The following WDR5 variants were observed in gnomAD, a reference collection of about 807,000 sequenced individuals.
The protein encoded by WDR5 is WD repeat-containing protein 5.
For missense variants in WDR5, 187 were observed against 416.9 expected, an observed-to-expected ratio of 0.45 and a Z score of 4.80; for synonymous variants, 144 against 161.6, an observed-to-expected ratio of 0.89 and a Z score of 0.83.
chr9:134,156,640 G>T lies in WDR5; in HGVS notation c.904+47G>T, dbSNP rs1194539171. 6 of 1,594,784 alleles carry T rather than the reference G, an allele frequency of 3.8e-6. No homozygotes were observed. In the Admixed American group the frequency reaches 6.7e-5, roughly 18 times the overall value. ...GTCACTGGCTGCCTGTTGATGTGAGGACAGTTCCTGCAGGTGAAGCGTGGT... is the reference window on the plus strand; with the variant it reads ...GTCACTGGCTGCCTGTTGATGTGAGTACAGTTCCTGCAGGTGAAGCGTGGT... On this transcript the variant is annotated intron_variant, in intron 13 of 13. Coordinates refer to ENST00000358625, the MANE Select transcript of WDR5 (RefSeq NM_017588.3).
rs564910984 is a variant in WDR5 at position 134,143,719 on chromosome 9, G to A, written c.528+1000G>A. Among the ~76,000 whole-genome samples, 23 of 151,986 alleles carry A rather than the reference G, an allele frequency of 1.5e-4. 1 individual carries two copies. Among genetic ancestry groups the A allele is most frequent in the African/African-American group, 5.3e-4 (22 of 41,510 alleles). ...ATTTTTTGTATTTTTAGTAGAGACG[G>A]GGTTTCACCGTGGTTTCGATCTCCT... On this transcript the variant is annotated intron_variant, in intron 7 of 13. Transcript: ENST00000358625.
At chr9:134,152,568 T>C (rs779700047) in intron 9 of WDR5, among the ~76,000 whole-genome samples, 11 of 152,186 alleles carry the variant, frequency 7.2e-5, no homozygotes, top group Non-Finnish European at 1.5e-4. Flanking sequence ...AGCTGCCCCT[T>C]GCAGAGCCTG....
At chr9:134,142,273 C>T in intron 5 of WDR5, 60 bp from the exon 6 acceptor site, 1 of 1,543,462 alleles carries the variant, frequency 6.5e-7, no homozygotes, top group South Asian at 1.1e-5. Flanking sequence ...ATGAATGTGA[C>T]CTGACTCTTA....
rs11556390 is a variant in WDR5 at position 134,139,901 on chromosome 9, C to T, written c.24C>T (p.Pro8=). MATEEKK[P]ETEAARAQPT... is the part of the protein sequence containing the mutation. ...CCATGGCGACGGAGGAGAAGAAGCC[C>T]GAGACCGAGGCCGCCAGAGCACAGC... Residue 8 remains proline, a synonymous_variant, in exon 2 of 14, where the codon CCC becomes CCT. Transcript: ENST00000358625. The T allele has an allele frequency of 0.43, 701,293 of 1,613,080 alleles. 156,848 individuals carry two copies. Among genetic ancestry groups the T allele is most frequent in the Admixed American group, 0.48 (28,531 of 60,000 alleles).
chr9:134,150,491 A>G (rs953149601), intron 8 of WDR5, among the ~76,000 whole-genome samples: 5 of 152,214 alleles, frequency 3.3e-5, no homozygotes, highest in Admixed American at 1.3e-4. Context: ...TCTTTCTATG[A>G]AAATCAGAAG....
At chr9:134,143,968 C>G (rs28705949) in intron 7 of WDR5, among the ~76,000 whole-genome samples, 1 of 152,174 alleles carries the variant, frequency 6.6e-6, no homozygotes, top group Admixed American at 6.5e-5. Context: ...TCCTGCCCTT[C>G]GTTGAGAAGC....
At chr9:134,153,128 C>T (rs369798703) in intron 9 of WDR5, among the ~76,000 whole-genome samples, 3 of 152,278 alleles carry the variant, frequency 2.0e-5, no homozygotes, top group Non-Finnish European at 2.9e-5. Context: ...GAGATCACAC[C>T]GCACTTGGTG....
chr9:134,140,045 C>G, intron 2 of WDR5, 87 bp downstream of exon 2: 2 of 1,446,794 alleles, frequency 1.4e-6, no homozygotes, highest in Non-Finnish European at 1.9e-6. Context: ...TAAGCCTAGT[C>G]TTCCCTACTC....
intron 3 of WDR5, 140 bp from the exon 4 acceptor site, chr9:134,141,370 G>A: frequency 1.4e-6 from 1 of 717,828 alleles, no homozygotes; most frequent in Non-Finnish European, 2.4e-6. Flanking sequence ...TCAGGCATGT[G>A]GCCGTGCTGA....
chr9:134,156,902 G>T (rs1832770571), intron 13 of WDR5, among the ~76,000 whole-genome samples: 1 of 152,250 alleles, frequency 6.6e-6, no homozygotes, highest in Non-Finnish European at 1.5e-5. Flanking sequence ...GTCACGGCGA[G>T]CTCTGTTTCC....
At chr9:134,156,158 C>T (rs937785305) in intron 12 of WDR5, among the ~76,000 whole-genome samples, 1 of 152,272 alleles carries the variant, frequency 6.6e-6, no homozygotes, top group East Asian at 1.9e-4. Flanking sequence ...TCTCGATGCT[C>T]CTGTCTTAGA....
chr9:134,155,634 A>G (rs1424841251), intron 11 of WDR5, 59 bp from the exon 12 acceptor site: 2 of 1,564,168 alleles, frequency 1.3e-6, no homozygotes, highest in Admixed American at 1.7e-5. Context: ...AGAACGTAGA[A>G]TTACACAAAA....
rs1333703664 is a variant in WDR5 at position 134,140,772 on chromosome 9, G to A, written c.151G>A (p.Val51Met). 3.7e-6 allele frequency: 6 copies of A among 1,614,014 alleles called. No homozygotes were observed. The highest frequency in any genetic ancestry group is 5.1e-6 in the Non-Finnish European group (6 of 1,180,032). Reference protein sequence around the residue: ...LAGHTKAVSSVKFSPNGEWLA... With the variant: ...LAGHTKAVSSMKFSPNGEWLA... ...TGGCCACACCAAAGCAGTGTCCTCC[G>A]TGAAATTCAGCCCGAATGGAGAGTG... is the stretch of plus-strand genomic sequence containing the variant. Residue 51 changes from valine to methionine, a missense_variant, in exon 3 of 14, where the codon GTG becomes ATG. Val to Met is a conservative substitution (Grantham distance 21). Transcript: ENST00000358625.
At chr9:134,139,758 G>A in intron 1 of WDR5, 62 bp from the exon 2 acceptor site, 1 of 1,091,470 alleles carries the variant, frequency 9.2e-7, no homozygotes, top group South Asian at 1.5e-5. Flanking sequence ...CTTTTTCTTG[G>A]AAATCAATTT....
At chr9:134,154,406 C>T (rs1832655107) in intron 9 of WDR5, 60 bp from the exon 10 acceptor site, 2 of 1,572,566 alleles carry the variant, frequency 1.3e-6, no homozygotes, top group Non-Finnish European at 1.8e-6. Flanking sequence ...CGGGTCCCAC[C>T]TCCTGTCCCT....
At chr9:134,143,970 T>C (rs1248037939) in intron 7 of WDR5, among the ~76,000 whole-genome samples, 1 of 152,226 alleles carries the variant, frequency 6.6e-6, no homozygotes, top group Non-Finnish European at 1.5e-5. Context: ...CTGCCCTTCG[T>C]TGAGAAGCGG....
At chr9:134,153,547 C>T (rs532088482) in intron 9 of WDR5, among the ~76,000 whole-genome samples, 3 of 152,332 alleles carry the variant, frequency 2.0e-5, no homozygotes, top group South Asian at 2.1e-4. Flanking sequence ...GCCTGCCTGG[C>T]GGTGTGACGT....
intron 5 of WDR5, 71 bp from the exon 6 acceptor site, chr9:134,142,262 G>A (rs1588169977): frequency 1.3e-6 from 2 of 1,508,930 alleles, no homozygotes; most frequent in East Asian, 2.3e-5. Context: ...GTCAGACATT[G>A]ATGAATGTGA....
At chr9:134,142,216 C>A in intron 5 of WDR5, 117 bp from the exon 6 acceptor site, 3 of 1,238,530 alleles carry the variant, frequency 2.4e-6, no homozygotes, top group Non-Finnish European at 1.1e-6. Flanking sequence ...CGGGGAACAG[C>A]AAGTCACTGG....
Sources: gnomAD v4.1 joint callset for allele counts (sites outside exome capture counted in the v4.1 genomes callset) on GRCh38, gnomAD v4.1.1 for gene constraint, MANE v1.5 for transcripts, NCBI Gene and HGNC (gene_info 2026-07-23, HGNC 2026-07-21) for gene names.